The following CDH20 variants were observed in gnomAD, a reference collection of about 807,000 sequenced individuals.
The protein encoded by CDH20 is cadherin 20.
CDH20 carries 29 observed loss-of-function variants against 74.2 expected under a neutral mutation model. The ratio of observed to expected loss-of-function variants is 0.39; its 90% CI spans 0.29 to 0.53. CDH20 has a LOEUF of 0.53. Ranked by LOEUF, CDH20 falls within the 20% of genes least tolerant of loss-of-function variation. The pLI, the probability that CDH20 is intolerant of heterozygous loss-of-function variation, is 0.69. For missense variants in CDH20, 988 were observed against 1,048.3 expected (o/e 0.94, Z 0.79); for synonymous variants, 469 against 405.4 (o/e 1.16, Z -1.88).
At chr18:61,494,987 C>T (rs1366080333) in intron 2 of CDH20, among the ~76,000 whole-genome samples, 1 of 152,186 alleles carries the variant, frequency 6.6e-6, no homozygotes, top group Admixed American at 6.5e-5. Context: ...CCTGCTTGTA[C>T]TTCCCATCAC....
At chr18:61,502,869 C>A in intron 4 of CDH20, 84 bp from the exon 5 acceptor site, 2 of 1,132,444 alleles carry the variant, frequency 1.8e-6, no homozygotes, top group Non-Finnish European at 2.5e-6. Context: ...ATTAATGGTG[C>A]ACCAGGGAGA....
Position 61,381,541 on chromosome 18 carries a change from A to T in CDH20, c.-153+47714A>T, listed in dbSNP as rs74529220. On this transcript the variant is annotated intron_variant, in intron 1 of 11. Coordinates refer to ENST00000262717, the MANE Select transcript of CDH20 (RefSeq NM_031891.4). ...GAGAGGTACCACTCTAGTTGTCTGC[A>T]ATAAATAAAATTATCTTGCTGCAAA... 5.8e-3 allele frequency among the ~76,000 whole-genome samples: 889 copies of T among 152,342 alleles called. 4 individuals are homozygous for T. Among genetic ancestry groups the T allele is most frequent in the Non-Finnish European group, 8.2e-3 (561 of 68,036 alleles).
chr18:61,369,111 C>T (rs1036496639), intron 1 of CDH20, among the ~76,000 whole-genome samples: 1 of 151,862 alleles, frequency 6.6e-6, no homozygotes, highest in African/African-American at 2.4e-5. Flanking sequence ...GAAGCAGCAC[C>T]ACTTATTATG....
chr18:61,334,766 G>A (rs1258986054), intron 1 of CDH20, among the ~76,000 whole-genome samples: 4 of 152,124 alleles, frequency 2.6e-5, no homozygotes, highest in Admixed American at 2.0e-4. Flanking sequence ...GGAAGTGAGA[G>A]GGGATAGTAC....
intron 1 of CDH20, among the ~76,000 whole-genome samples, chr18:61,476,458 T>C (rs1798835907): frequency 6.6e-6 from 1 of 152,140 alleles, no homozygotes; most frequent in African/African-American, 2.4e-5. Context: ...TCCTGATCCA[T>C]AGAAAACTGT....
chr18:61,464,153 C>T (rs911573788), intron 1 of CDH20, among the ~76,000 whole-genome samples: 4 of 152,004 alleles, frequency 2.6e-5, no homozygotes, highest in African/African-American at 4.8e-5. Context: ...TAAATATGTA[C>T]CACTATGGTA....
chr18:61,539,553 C>T (rs1912952337), intron 9 of CDH20, among the ~76,000 whole-genome samples: 2 of 152,176 alleles, frequency 1.3e-5, no homozygotes, highest in Admixed American at 1.3e-4. Flanking sequence ...ATGTGTCCAC[C>T]TGGAAACTGA....
Position 61,499,203 on chromosome 18 carries a change from C to T in CDH20, c.264C>T (p.Asp88=). 6.3e-7 allele frequency: 1 copy of T among 1,587,020 alleles called. No individual in the cohort carries two copies. Among genetic ancestry groups the T allele is most frequent in the African/African-American group, 1.3e-5 (1 of 74,148 alleles). ...TCTCCCAGCTTCATTCAGATATGGA[C>T]AGGGGAGACGGATCCATCAAATACA... is the stretch of plus-strand genomic sequence containing the variant. ...LYVGKLHSDM[D]RGDGSIKYIL... The change falls in exon 3 of 12, where the codon GAC becomes GAT. Residue 88 remains aspartate, a synonymous_variant. Coordinates refer to ENST00000262717, the MANE Select transcript of CDH20 (RefSeq NM_031891.4).
chr18:61,472,275 T>C (rs2144383360), intron 1 of CDH20, among the ~76,000 whole-genome samples: 1 of 152,212 alleles, frequency 6.6e-6, no homozygotes, highest in Non-Finnish European at 1.5e-5. Context: ...ACTTGGGGGC[T>C]GGCTGGGTCT....
intron 1 of CDH20, among the ~76,000 whole-genome samples, chr18:61,384,483 G>A (rs982838906): frequency 6.6e-6 from 1 of 152,160 alleles, no homozygotes; most frequent in Non-Finnish European, 1.5e-5. Context: ...CTTTTCTCAA[G>A]TAATCCCTAC....
intron 7 of CDH20, 56 bp from the exon 8 acceptor site, chr18:61,536,437 A>G (rs1401161559): frequency 1.1e-5 from 16 of 1,474,630 alleles, no homozygotes; most frequent in Non-Finnish European, 1.4e-5. Flanking sequence ...CTCATGTGGT[A>G]TGCTGTCATA....
intron 10 of CDH20, among the ~76,000 whole-genome samples, chr18:61,548,405 A>C (rs1282646089): frequency 1.3e-5 from 2 of 152,218 alleles, no homozygotes; most frequent in Non-Finnish European, 2.9e-5. Context: ...TCTAGGCCTT[A>C]CTTCTATTTC....
intron 1 of CDH20, among the ~76,000 whole-genome samples, chr18:61,436,476 T>C (rs1020689030): frequency 6.6e-6 from 1 of 152,186 alleles, no homozygotes; most frequent in African/African-American, 2.4e-5. Context: ...TGTCTCATTG[T>C]GGTGTTCATT....
chr18:61,434,804 T>C (rs974719009), intron 1 of CDH20, among the ~76,000 whole-genome samples: 1 of 152,212 alleles, frequency 6.6e-6, no homozygotes, highest in Non-Finnish European at 1.5e-5. Context: ...ATTAAAATCA[T>C]GATGCAGGAG....
chr18:61,401,434 GGTGT>G (rs138126487), intron 1 of CDH20, among the ~76,000 whole-genome samples: 19 of 151,118 alleles, frequency 1.3e-4, no homozygotes, highest in African/African-American at 3.9e-4. Context: ...TCAATGATCA[GGTGT>G]GTGTGTGTGT....
intron 2 of CDH20, among the ~76,000 whole-genome samples, chr18:61,496,818 G>A (rs1024183108): frequency 4.6e-5 from 7 of 152,092 alleles, no homozygotes; most frequent in African/African-American, 1.7e-4. Context: ...TTCATTAAAA[G>A]TCCTATGCCA....
At chr18:61,386,888 G>A (rs1317239165) in intron 1 of CDH20, among the ~76,000 whole-genome samples, 1 of 152,082 alleles carries the variant, frequency 6.6e-6, no homozygotes, top group Admixed American at 6.5e-5. Context: ...TAAAATATAT[G>A]AAATGTTGTG....
chr18:61,521,080 G>A (rs558900955), intron 6 of CDH20, among the ~76,000 whole-genome samples: 2 of 151,218 alleles, frequency 1.3e-5, no homozygotes, highest in Non-Finnish European at 2.9e-5. Context: ...GATCAGAGCA[G>A]AACTGAAGGA....
chr18:61,340,682 G>A (rs1036401178), intron 1 of CDH20, among the ~76,000 whole-genome samples: 3 of 151,980 alleles, frequency 2.0e-5, no homozygotes, highest in Admixed American at 6.6e-5. Context: ...TCATATTCAC[G>A]ATTGTTTCAC....
Sources: allele counts gnomAD v4.1 joint callset (sites outside exome capture counted in the v4.1 genomes callset), GRCh38; gene constraint gnomAD v4.1.1; transcripts MANE v1.5; gene names NCBI Gene and HGNC (gene_info 2026-07-23, HGNC 2026-07-21).